Variants in CHL1 observed in about 807,000 individuals in gnomAD.
CHL1 encodes neural cell adhesion molecule L1-like protein.
In CHL1, 96 loss-of-function variants were observed where a neutral mutation model predicts 141.9. That is an observed-to-expected ratio of 0.68 (90% CI 0.57 to 0.80). CHL1 has a LOEUF of 0.80. CHL1 is among the 30% of genes least tolerant of loss of function. The pLI is 0.00. For missense variants in CHL1, 1,820 were observed against 1,457.2 expected, an observed-to-expected ratio of 1.25 and a Z score of -4.05; for synonymous variants, 613 against 502.2, an observed-to-expected ratio of 1.22 and a Z score of -2.95.
chr3:323,771 G>C (rs533200352), intron 3 of CHL1, among the ~76,000 whole-genome samples: 2 of 152,182 alleles, frequency 1.3e-5, no homozygotes, highest in Admixed American at 6.5e-5. Flanking sequence ...AGGCTGAGGC[G>C]GGAGGATTAC....
intron 19 of CHL1, among the ~76,000 whole-genome samples, chr3:387,211 G>T (rs1707811491): frequency 6.6e-6 from 1 of 152,116 alleles, no homozygotes; most frequent in Non-Finnish European, 1.5e-5. Flanking sequence ...AATATCATTG[G>T]TTTCTCAGAT....
At chr3:376,432 A>T (rs1444130095) in intron 15 of CHL1, 1 of 514,860 alleles carries the variant, frequency 1.9e-6, no homozygotes, top group Admixed American at 2.0e-5. Context: ...TTCTTTAGGT[A>T]TACCATACCT....
intron 1 of CHL1, among the ~76,000 whole-genome samples, chr3:226,131 G>A (rs1054137253): frequency 3.3e-5 from 5 of 150,264 alleles, no homozygotes; most frequent in African/African-American, 7.3e-5. Context: ...AGTGATTCTC[G>A]TGCCTCAGCC....
At chr3:296,035 T>C (rs939406875) in intron 2 of CHL1, among the ~76,000 whole-genome samples, 6 of 152,154 alleles carry the variant, frequency 3.9e-5, no homozygotes, top group African/African-American at 1.4e-4. Context: ...CCATCCTAAC[T>C]ACTGATTGCT....
intron 2 of CHL1, among the ~76,000 whole-genome samples, chr3:254,061 C>T (rs567693521): frequency 4.6e-5 from 7 of 152,188 alleles, no homozygotes; most frequent in Non-Finnish European, 1.0e-4. Context: ...TCAGACCGAC[C>T]TTTGAGAACC....
intron 2 of CHL1, among the ~76,000 whole-genome samples, chr3:266,432 C>G (rs961278685): frequency 6.6e-6 from 1 of 152,108 alleles, no homozygotes; most frequent in Non-Finnish European, 1.5e-5. Context: ...TCTGGCTGCA[C>G]AACAGGCATC....
Position 335,055 on chromosome 3 carries a change from T to C in CHL1, c.386-5739T>C, listed in dbSNP as rs188037108. Among the ~76,000 whole-genome samples the C allele has an allele frequency of 6.8e-4, 104 of 152,344 alleles. 2 individuals carry two copies. Among genetic ancestry groups the C allele is most frequent in the African/African-American group, 1.9e-3 (77 of 41,588 alleles). The stretch of plus-strand genomic sequence containing the variant: ...ATTTAATGAAAACTAATTAGAAATA[T>C]TCATGCACTAGGTTTCTACATTTGT... On this transcript the variant is annotated intron_variant, in intron 5 of 27. Coordinates refer to ENST00000256509, the MANE Select transcript of CHL1 (RefSeq NM_006614.4).
chr3:228,836 T>A (rs184913259), intron 1 of CHL1, among the ~76,000 whole-genome samples: 1 of 152,148 alleles, frequency 6.6e-6, no homozygotes, highest in East Asian at 1.9e-4. Context: ...TGGTTCCTAA[T>A]GGTTGATTTA....
chr3:265,420 T>C (rs1291388834), intron 2 of CHL1, among the ~76,000 whole-genome samples: 1 of 152,226 alleles, frequency 6.6e-6, no homozygotes, highest in Non-Finnish European at 1.5e-5. Flanking sequence ...TTTTCATATC[T>C]CTTACTGATC....
chr3:293,534 CT>C (rs921795078), intron 2 of CHL1, among the ~76,000 whole-genome samples: 2 of 151,998 alleles, frequency 1.3e-5, no homozygotes, highest in African/African-American at 2.4e-5. Flanking sequence ...CTAATTGAAT[CT>C]TTCCCCCTGT....
chr3:299,217 T>C (rs1208269524), intron 2 of CHL1, among the ~76,000 whole-genome samples: 1 of 152,206 alleles, frequency 6.6e-6, no homozygotes, highest in East Asian at 1.9e-4. Context: ...AATCTACTTG[T>C]TAAGTATGAG....
intron 23 of CHL1, among the ~76,000 whole-genome samples, chr3:392,135 T>C (rs1347024505): frequency 6.6e-6 from 1 of 151,958 alleles, no homozygotes; most frequent in Non-Finnish European, 1.5e-5. Context: ...AATGAAAGGT[T>C]TGCTTACCTG....
intron 14 of CHL1, 34 bp from the exon 15 acceptor site, chr3:365,916 A>G: frequency 1.3e-6 from 2 of 1,571,206 alleles, no homozygotes; most frequent in South Asian, 1.1e-5. Flanking sequence ...AGTTACGCTT[A>G]GTTCTAACTA....
At chr3:197,581 CTG>C in intron 1 of CHL1, 1 of 344,562 alleles carries the variant, frequency 2.9e-6, no homozygotes, top group East Asian at 7.6e-5. Flanking sequence ...CCCCAGTCCA[CTG>C]CCCCTGTGTG....
chr3:389,212 A>G (rs1708027313), intron 19 of CHL1, 40 bp from the exon 20 acceptor site: 1 of 1,510,508 alleles, frequency 6.6e-7, no homozygotes, highest in Non-Finnish European at 9.0e-7. Context: ...GAGTCAACAC[A>G]TCTGTGATCA....
chr3:394,610 G>A (rs531768232), intron 23 of CHL1, 83 bp from the exon 24 acceptor site: 4 of 984,598 alleles, frequency 4.1e-6, no homozygotes, highest in South Asian at 3.2e-5. Flanking sequence ...CGTACCACAA[G>A]CATAAGGAGA....
chr3:355,573 ATAGTGGCTTCCAT>A (rs1703639287), intron 11 of CHL1, among the ~76,000 whole-genome samples: 1 of 152,210 alleles, frequency 6.6e-6, no homozygotes, highest in African/African-American at 2.4e-5. Flanking sequence ...AGCAGGTACG[ATAGTGGCTTCCAT>A]TTGTCCTTTT....
At chr3:207,022 C>T (rs1017754299) in intron 1 of CHL1, among the ~76,000 whole-genome samples, 5 of 151,996 alleles carry the variant, frequency 3.3e-5, no homozygotes, top group Admixed American at 2.6e-4. Context: ...AAAATGACAC[C>T]GATCATAATG....
In CHL1 at chr3:326,056, A is replaced by C; in HGVS notation, c.189A>C (p.Pro63=). The part of the protein sequence containing the change: ...FQIECEAKGN[P]EPTFSWTKDG... ...TTGAATGTGAAGCTAAAGGAAATCC[A>C]GAACCAACGTGAGTATTGTTTCAAA... Residue 63 remains proline (P), a synonymous_variant, in exon 4 of 28, where the codon CCA becomes CCC. Transcript: ENST00000256509. 1 of 1,603,928 alleles carries C rather than the reference A, an allele frequency of 6.2e-7. No individual in the cohort carries two copies. The highest frequency in any genetic ancestry group is 8.5e-7 in the Non-Finnish European group (1 of 1,171,672).
Sources: gnomAD v4.1 joint callset for allele counts (sites outside exome capture counted in the v4.1 genomes callset) on GRCh38, gnomAD v4.1.1 for gene constraint, MANE v1.5 for transcripts, NCBI Gene and HGNC (gene_info 2026-07-23, HGNC 2026-07-21) for gene names.